POU6F2: variants seen among roughly 807,000 people sequenced by gnomAD.
POU6F2 encodes POU class 6 homeobox 2.
Under a neutral mutation model 71.3 loss-of-function variants are expected in POU6F2, and 31 were observed. That is an observed-to-expected ratio of 0.43 (90% CI 0.33 to 0.59). The LOEUF is 0.59. POU6F2 is among the 20% of genes least tolerant of loss of function. The pLI is 0.04. For synonymous variants in POU6F2, 347 were observed against 355.7 expected (o/e 0.98, Z 0.27); for missense variants, 783 against 856.8 (o/e 0.91, Z 1.07).
chr7:39,150,225 C>CTGTCTGTG (rs1554325542), intron 2 of POU6F2, among the ~76,000 whole-genome samples: 2 of 141,160 alleles, frequency 1.4e-5, no homozygotes, highest in East Asian at 4.2e-4. Flanking sequence ...AGTAATATGT[C>CTGTCTGTG]TGTGTGTGTG....
chr7:39,134,502 C>G (rs1584560672), intron 2 of POU6F2, among the ~76,000 whole-genome samples: 1 of 152,216 alleles, frequency 6.6e-6, no homozygotes, highest in African/African-American at 2.4e-5. Flanking sequence ...CTCTTCCCTT[C>G]TTCATTCTGT....
At chr7:39,360,439 C>T (rs1786355386) in intron 5 of POU6F2, among the ~76,000 whole-genome samples, 1 of 152,126 alleles carries the variant, frequency 6.6e-6, no homozygotes, top group Non-Finnish European at 1.5e-5. Context: ...TTTATCTAAA[C>T]TTCAAGCACA....
intron 2 of POU6F2, among the ~76,000 whole-genome samples, chr7:39,114,876 G>A (rs1280735338): frequency 9.9e-5 from 15 of 152,096 alleles, no homozygotes; most frequent in Admixed American, 9.2e-4. Context: ...ACATATGTGA[G>A]TACACATGCA....
intron 4 of POU6F2, among the ~76,000 whole-genome samples, chr7:39,208,305 G>C (rs1465791057): frequency 6.6e-6 from 1 of 152,174 alleles, no homozygotes; most frequent in African/African-American, 2.4e-5. Flanking sequence ...ATTTACAAAA[G>C]ATTCTGTCAG....
At chr7:39,089,572 A>G (rs1791321492) in intron 2 of POU6F2, among the ~76,000 whole-genome samples, 1 of 152,208 alleles carries the variant, frequency 6.6e-6, no homozygotes. Flanking sequence ...AGTGACATTT[A>G]TAGTACTCGT....
At chr7:39,424,716 C>T (rs1234208532) in intron 6 of POU6F2, among the ~76,000 whole-genome samples, 1 of 151,770 alleles carries the variant, frequency 6.6e-6, no homozygotes, top group Non-Finnish European at 1.5e-5. Flanking sequence ...CGAGTGGAAA[C>T]CCAGATAAAA....
intron 1 of POU6F2, among the ~76,000 whole-genome samples, chr7:38,983,401 T>A (rs1562653819): frequency 6.6e-6 from 1 of 151,726 alleles, no homozygotes; most frequent in African/African-American, 2.4e-5. Flanking sequence ...CTTTCTTTTT[T>A]TTTTTTTGTA....
chr7:39,273,985 T>C (rs1784387883), intron 4 of POU6F2, among the ~76,000 whole-genome samples: 1 of 152,200 alleles, frequency 6.6e-6, no homozygotes, highest in Admixed American at 6.5e-5. Flanking sequence ...ATGGCAACTT[T>C]GCTTATTTTT....
chr7:39,382,875 C>T (rs1786857386), intron 5 of POU6F2, among the ~76,000 whole-genome samples: 1 of 152,044 alleles, frequency 6.6e-6, no homozygotes, highest in Admixed American at 6.5e-5. Context: ...CACACTATGA[C>T]TAATTGATCT....
rs561352261 is a variant in POU6F2, at chr7:39,118,682, CAGA to C, written c.277+32659_277+32661del. 1.8e-4 allele frequency among the ~76,000 whole-genome samples: 27 copies of C among 151,998 alleles called. No homozygotes were observed. In the East Asian group the frequency reaches 5.0e-3, roughly 28 times the overall value. On this transcript the variant is annotated intron_variant, in intron 2 of 9. Coordinates refer to ENST00000518318, the MANE Select transcript of POU6F2 (RefSeq NM_001370959.1). ...TTCATTCTCTGGTTAACAGGAGTAA[CAGA>C]AGAAGAACAGACAAATGAGAAAGGG...
chr7:39,457,882 T>C (rs74824987), intron 8 of POU6F2, among the ~76,000 whole-genome samples: 4,287 of 152,232 alleles, frequency 0.028, 90 homozygotes, highest in Non-Finnish European at 0.043. Flanking sequence ...GACCCCTCTC[T>C]CACTGTACCA....
chr7:39,391,081 C>T (rs1362047357), intron 5 of POU6F2, among the ~76,000 whole-genome samples: 1 of 152,080 alleles, frequency 6.6e-6, no homozygotes, highest in Non-Finnish European at 1.5e-5. Context: ...TGTATAGCCA[C>T]TAGCTAAAAA....
rs116055807 is a variant in POU6F2, at chr7:39,018,299, A to T, written c.105+40241A>T. 6.4e-3 allele frequency among the ~76,000 whole-genome samples: 974 copies of T among 152,236 alleles called. 6 individuals carry two copies. Among genetic ancestry groups the T allele is most frequent in the Middle Eastern group, 0.024 (7 of 294 alleles). On this transcript the variant is annotated intron_variant, in intron 1 of 9. Transcript: ENST00000518318. ...AATCATTCTCAGAAATGCTCTCTCC[A>T]TGAAGTAGGAAGTAGGGAATGATTC...
chr7:39,448,855 A>T (rs935050578), intron 7 of POU6F2, among the ~76,000 whole-genome samples: 1 of 152,220 alleles, frequency 6.6e-6, no homozygotes, highest in African/African-American at 2.4e-5. Flanking sequence ...TAGAAGGACA[A>T]CTCAATACGT....
intron 4 of POU6F2, among the ~76,000 whole-genome samples, chr7:39,301,987 G>A (rs1784956017): frequency 1.3e-5 from 2 of 152,056 alleles, no homozygotes; most frequent in African/African-American, 4.8e-5. Flanking sequence ...TTTGTTCATG[G>A]ATAAGATGTG....
chr7:39,216,081 T>C (rs1286810918), intron 4 of POU6F2, among the ~76,000 whole-genome samples: 3 of 152,202 alleles, frequency 2.0e-5, no homozygotes, highest in Non-Finnish European at 4.4e-5. Flanking sequence ...ACTCACACGC[T>C]GTTGGCCAGA....
intron 1 of POU6F2, among the ~76,000 whole-genome samples, chr7:39,024,505 C>T (rs1384537450): frequency 6.6e-6 from 1 of 152,058 alleles, no homozygotes; most frequent in Admixed American, 6.6e-5. Flanking sequence ...ATTTCCTTCT[C>T]CTGCCTAATT....
chr7:39,027,531 T>A (rs552368542), intron 1 of POU6F2, among the ~76,000 whole-genome samples: 1 of 152,164 alleles, frequency 6.6e-6, no homozygotes, highest in Non-Finnish European at 1.5e-5. Flanking sequence ...TGGTCCAAGG[T>A]CCTCCAATTC....
chr7:39,289,061 A>T (rs1431133350), intron 4 of POU6F2, among the ~76,000 whole-genome samples: 1 of 152,228 alleles, frequency 6.6e-6, no homozygotes, highest in African/African-American at 2.4e-5. Flanking sequence ...TCTTTTCAGG[A>T]GAACATCTTG....
Sources: gnomAD v4.1 joint callset for allele counts (sites outside exome capture counted in the v4.1 genomes callset) on GRCh38, gnomAD v4.1.1 for gene constraint, MANE v1.5 for transcripts, NCBI Gene and HGNC (gene_info 2026-07-23, HGNC 2026-07-21) for gene names.